The following FAM114A2 variants were observed in gnomAD, a reference collection of about 807,000 sequenced individuals.
FAM114A2 encodes the protein family with sequence similarity 114 member A2.
In FAM114A2, 53 loss-of-function variants were observed where a neutral mutation model predicts 58.4. The observed-to-expected ratio is 0.91, with a 90% CI of 0.73 to 1.14. The LOEUF (loss-of-function observed/expected upper bound fraction) is 1.14, where lower values mean the gene tolerates loss of function less well. Ranked by LOEUF, FAM114A2 falls within the 50% of genes most tolerant of loss-of-function variation. FAM114A2 has a pLI of 0.00. For synonymous variants in FAM114A2, 228 were observed against 211.4 expected (o/e 1.08, Z -0.68); for missense variants, 601 against 581.1 (o/e 1.03, Z -0.35).
rs957911238 is a variant in FAM114A2, at chr5:153,992,691, T to C, written c.*285A>G. 1.1e-4 allele frequency: 25 copies of C among 234,420 alleles called. No individual in the cohort carries two copies. Among genetic ancestry groups the C allele is most frequent in the Non-Finnish European group, 1.8e-4 (22 of 122,508 alleles). 14.5% of individuals were successfully genotyped at this position (234,420 alleles called of 1,614,324 possible). On this transcript the variant is annotated 3_prime_UTR_variant, in exon 14 of 14. Coordinates refer to ENST00000351797, the MANE Select transcript of FAM114A2 (RefSeq NM_018691.4). The stretch of plus-strand genomic sequence containing the variant: ...ACATGTCAAAGAAAGACCAACATTT[T>C]TGCCTGAGTGTCCCACTAATCTTTA...
Position 153,997,818 on chromosome 5 carries a change from G to C in FAM114A2, c.1314C>G (p.Cys438Trp). Residue 438 changes from cysteine (C) to tryptophan (W), a missense_variant, in exon 12 of 14, where the codon TGC (cysteine) becomes TGG (tryptophan). By Grantham distance (215) the Cys-to-Trp change is radical. Transcript: ENST00000351797. ...LSSLSKEFTT[C>W]LTTAGVKEMA... ...GGATTCTTACCCCAGCAGTTGTTAG[G>C]CAGGTAGTGAACTCTTTAGACAGAG... The C allele has an allele frequency of 6.3e-7, 1 of 1,584,332 alleles. No homozygotes were observed.
chr5:154,016,946 C>T (rs1297869259), intron 8 of FAM114A2, among the ~76,000 whole-genome samples: 1 of 152,138 alleles, frequency 6.6e-6, no homozygotes, highest in Admixed American at 6.5e-5. Context: ...ACATTCCATG[C>T]AAATGGACAC....
chr5:154,019,123 T>C (rs1390188978), intron 8 of FAM114A2, among the ~76,000 whole-genome samples: 1 of 152,194 alleles, frequency 6.6e-6, no homozygotes, highest in East Asian at 1.9e-4. Flanking sequence ...TAACTGTCAC[T>C]GTTTGCTGAT....
Position 153,990,915 on chromosome 5 carries a change from C to T in FAM114A2, c.*2061G>A, listed in dbSNP as rs992587474. On this transcript the variant is annotated 3_prime_UTR_variant, in exon 14 of 14. Coordinates refer to ENST00000351797, the MANE Select transcript of FAM114A2 (RefSeq NM_018691.4). ...ATAATCCAGCAAGTTCCAAAGTGAT[C>T]CCTGAATTTACCTACTCATCTGTCA... is the stretch of plus-strand genomic sequence containing the variant. 6.6e-6 allele frequency: 1 copy of T among 152,152 alleles called. No individual in the cohort carries two copies. Among genetic ancestry groups the T allele is most frequent in the Admixed American group, 6.6e-5 (1 of 15,264 alleles). 9.4% of individuals were successfully genotyped at this position (152,152 alleles called of 1,614,324 possible). A position where few individuals can be genotyped will look rare whatever the true frequency, so the allele number is the denominator to read the frequency against.
chr5:154,002,272 T>C lies in FAM114A2; in HGVS notation c.1235A>G (p.Glu412Gly). The C allele has an allele frequency of 6.2e-7, 1 of 1,613,992 alleles. No homozygotes were observed. Among genetic ancestry groups the C allele is most frequent in the Non-Finnish European group, 8.5e-7 (1 of 1,179,864 alleles). Reference protein sequence around the residue: ...HGRKQEVTAIERSQTLSQMTI... With the variant: ...HGRKQEVTAIGRSQTLSQMTI... ...TTACTGGGAAAGAGTTTGGCTCCTT[T>C]CTATGGCTGTCACTTCCTGCTTCCT... The change falls in exon 11 of 14, where the codon GAA becomes GGA. Residue 412 changes from glutamate (E) to glycine (G), a missense_variant. Transcript: ENST00000351797.
At position 154,038,871 on chromosome 5, in the gene FAM114A2, C is replaced by G. The variant is rs192040139; in HGVS notation, c.-29G>C. 1.3e-5 allele frequency: 2 copies of G among 152,564 alleles called. No individual in the cohort carries two copies. The highest frequency in any genetic ancestry group is 4.8e-5 in the African/African-American group (2 of 41,486). 9.5% of individuals were successfully genotyped at this position (152,564 alleles called of 1,614,324 possible). A position where few individuals can be genotyped will look rare whatever the true frequency, so the allele number is the denominator to read the frequency against. On this transcript the variant is annotated 5_prime_UTR_variant, in exon 1 of 14. Coordinates refer to ENST00000351797, the MANE Select transcript of FAM114A2 (RefSeq NM_018691.4). ...AAGCTCCGCACCTATCCGGCCGCCA[C>G]CCTCAGCACAGCCACGGCAGCCGAC...
intron 9 of FAM114A2, among the ~76,000 whole-genome samples, chr5:154,009,206 A>AT (rs1455291733): frequency 6.6e-6 from 1 of 152,198 alleles, no homozygotes; most frequent in African/African-American, 2.4e-5. Context: ...CACAGAAGGC[A>AT]TAAGATGAGT....
Position 154,026,523 on chromosome 5 carries a change from C to G in FAM114A2, c.790-1G>C. On this transcript the variant is annotated splice_acceptor_variant, in intron 7 of 13. Coordinates refer to ENST00000351797, the MANE Select transcript of FAM114A2 (RefSeq NM_018691.4). LOFTEE classifies it high-confidence loss of function. Reference sequence around the variant, plus strand: ...TCAGAGAATTAAGGATAGATTTCACCTGAATGGATACAAGAACAAAATGTT... The same window carrying G: ...TCAGAGAATTAAGGATAGATTTCACGTGAATGGATACAAGAACAAAATGTT... The G allele has an allele frequency of 2.0e-6, 3 of 1,482,032 alleles. No individual in the cohort carries two copies. In the South Asian group the frequency reaches 4.3e-5, roughly 21 times the overall value. The allele number at this position is 1,482,032 out of a possible 1,614,324, so 91.8% of individuals were successfully genotyped here. A position where few individuals can be genotyped will look rare whatever the true frequency, so the allele number is the denominator to read the frequency against.
chr5:154,029,278 C>T (rs769964070), intron 5 of FAM114A2, among the ~76,000 whole-genome samples: 19 of 152,154 alleles, frequency 1.2e-4, no homozygotes, highest in Non-Finnish European at 1.8e-4. Context: ...ATTGCTACTC[C>T]TTTATTTCCT....
At chr5:153,996,687 C>A (rs1769579330) in intron 12 of FAM114A2, among the ~76,000 whole-genome samples, 1 of 151,864 alleles carries the variant, frequency 6.6e-6, no homozygotes, top group Non-Finnish European at 1.5e-5. Context: ...AATAGCCAAC[C>A]AGCACATTAA....
chr5:154,031,330 C>T (rs940992257), intron 4 of FAM114A2, among the ~76,000 whole-genome samples: 376 of 30,146 alleles, frequency 0.012, 3 homozygotes, highest in African/African-American at 0.05. Context: ...AAAAAAAAAG[C>T]CTTAAAGCAT....
chr5:153,998,725 A>C (rs796431534), intron 11 of FAM114A2, among the ~76,000 whole-genome samples: 8 of 151,210 alleles, frequency 5.3e-5, no homozygotes, highest in African/African-American at 1.9e-4. Flanking sequence ...TGTTACAGTA[A>C]CAGACTTTCT....
At chr5:154,022,782 C>T (rs1771508673) in intron 8 of FAM114A2, among the ~76,000 whole-genome samples, 1 of 152,176 alleles carries the variant, frequency 6.6e-6, no homozygotes, top group South Asian at 2.1e-4. Flanking sequence ...GATCCCATTA[C>T]TGGATATATA....
intron 8 of FAM114A2, among the ~76,000 whole-genome samples, chr5:154,017,127 A>C (rs1771090119): frequency 6.6e-6 from 1 of 152,256 alleles, no homozygotes; most frequent in Non-Finnish European, 1.5e-5. Flanking sequence ...CCAAATTTAT[A>C]AAACAATTGC....
chr5:154,000,969 T>C (rs1223588374), intron 11 of FAM114A2, among the ~76,000 whole-genome samples: 2 of 152,184 alleles, frequency 1.3e-5, no homozygotes, highest in Non-Finnish European at 2.9e-5. Context: ...GGGATTTACA[T>C]GTATCATTTC....
Position 153,996,628 on chromosome 5 carries a change from T to C in FAM114A2, c.1329+1175A>G, listed in dbSNP as rs979699388. Among the ~76,000 whole-genome samples the C allele has an allele frequency of 7.3e-5, 11 of 150,086 alleles. 1 individual carries two copies. Among genetic ancestry groups the C allele is most frequent in the Admixed American group, 7.3e-4 (11 of 15,146 alleles). On this transcript the variant is annotated intron_variant, in intron 12 of 13. Transcript: ENST00000351797. ...ATAAAAACACAAACAACCCAAGTTT[T>C]AAAACAAGTAAACTGCTGAAATAGA...
Position 153,990,222 on chromosome 5 carries a change from C to G in FAM114A2, c.*2754G>C, listed in dbSNP as rs1269330652. 6.6e-6 allele frequency: 1 copy of G among 152,166 alleles called. No homozygotes were observed. Among genetic ancestry groups the G allele is most frequent in the Non-Finnish European group, 1.5e-5 (1 of 68,024 alleles). 9.4% of individuals were successfully genotyped at this position (152,166 alleles called of 1,614,324 possible). On this transcript the variant is annotated 3_prime_UTR_variant, in exon 14 of 14. Transcript: ENST00000351797. ...GAATTCAGGTTTAAAATTCAGAACA[C>G]CTCTAGAAATACAGAAAAATGTCTA...
rs1048461394 is a variant in FAM114A2, at chr5:153,991,702, T to G, written c.*1274A>C. 6.6e-6 allele frequency: 1 copy of G among 151,794 alleles called. No homozygotes were observed. The highest frequency in any genetic ancestry group is 1.5e-5 in the Non-Finnish European group (1 of 67,918). 9.4% of individuals were successfully genotyped at this position (151,794 alleles called of 1,614,324 possible). ...TGGCTTTGCTTTGCTATTTTTTTTT[T>G]TTTTTTTTGGTCTAAGTAAGATATT... is the stretch of plus-strand genomic sequence containing the variant. On this transcript the variant is annotated 3_prime_UTR_variant, in exon 14 of 14. Transcript: ENST00000351797.
chr5:154,026,483 C>G lies in FAM114A2; in HGVS notation c.829G>C (p.Glu277Gln). The change falls in exon 8 of 14, where the codon GAG becomes CAG. Residue 277 changes from glutamate to glutamine, a missense_variant. Physicochemically the swap from Glu to Gln is conservative, Grantham distance 29 (BLOSUM62 2). Transcript: ENST00000351797. ...ILNSLSGEEL[E>Q]TLKVELEQLK... ...TGCTCTAATTCAACTTTTAGAGTCT[C>G]TAATTCTTCTCCACTCAGAGAATTA... The G allele has an allele frequency of 1.3e-6, 2 of 1,565,462 alleles. No individual in the cohort carries two copies. Among genetic ancestry groups the G allele is most frequent in the African/African-American group, 1.4e-5 (1 of 72,394 alleles).
Sources: allele counts gnomAD v4.1 joint callset (sites outside exome capture counted in the v4.1 genomes callset), GRCh38; gene constraint gnomAD v4.1.1; transcripts MANE v1.5; gene names NCBI Gene and HGNC (gene_info 2026-07-23, HGNC 2026-07-21).